Variants in ENO4 observed in about 807,000 individuals in gnomAD.
The protein encoded by ENO4 is enolase 4.
Under a neutral mutation model 63.2 loss-of-function variants are expected in ENO4, and 53 were observed. That is an observed-to-expected ratio of 0.84 (90% CI 0.67 to 1.05). ENO4 has a LOEUF of 1.05. Among genes scored for constraint, ENO4 ranks in the 50% least tolerant of loss-of-function variants. ENO4 has a pLI of 0.00. For missense variants in ENO4, 719 were observed against 772.0 expected, an observed-to-expected ratio of 0.93 and a Z score of 0.81; for synonymous variants, 266 against 283.8, an observed-to-expected ratio of 0.94 and a Z score of 0.63.
chr10:116,877,068 T>A (rs1210698549), intron 11 of ENO4, among the ~76,000 whole-genome samples: 2 of 152,132 alleles, frequency 1.3e-5, no homozygotes, highest in Non-Finnish European at 2.9e-5. Flanking sequence ...TGGGTACCCA[T>A]CTGCACTAGC....
chr10:116,878,665 G>C (rs2531688), intron 11 of ENO4, among the ~76,000 whole-genome samples: 93,159 of 151,148 alleles, frequency 0.62, 33,734 homozygotes, highest in Non-Finnish European at 0.8. Flanking sequence ...TCTTAGAAAT[G>C]TGTCAATCTA....
At chr10:116,858,007 C>T (rs1846314800) in intron 3 of ENO4, among the ~76,000 whole-genome samples, 1 of 150,626 alleles carries the variant, frequency 6.6e-6, no homozygotes, top group African/African-American at 2.4e-5. Flanking sequence ...CCTTTTTTTT[C>T]CCCCTTCATG....
At chr10:116,884,659 T>C, downstream of ENO4, 1 of 164,478 alleles carries the variant, frequency 6.1e-6, no homozygotes, top group Non-Finnish European at 1.3e-5. Context: ...CAAAGAAACA[T>C]GAAAGAAAAC....
At position 116,899,546 on chromosome 10, in the gene ENO4, T is replaced by TGTGA. The variant is rs1311755308; in HGVS notation, c.1195-11952_1195-11951insTGAG. Among the ~76,000 whole-genome samples the TGTGA allele has an allele frequency of 2.1e-3, 262 of 123,884 alleles. 1 individual carries two copies. The highest frequency in any genetic ancestry group is 7.0e-3 in the African/African-American group (240 of 34,438). The allele number at this position is 123,884 out of a possible 152,430, so 81.3% of individuals were successfully genotyped here. ...GTGTGTGTGTGTGTGTGTGTGTGTG[T>TGTGA]GAGAGAGTGCATGCATACATATGTT... On this transcript the variant is annotated intron_variant, in intron 10 of 10. Transcript: ENST00000369207.
chr10:116,905,857 C>A (rs1408430812), intron 10 of ENO4, among the ~76,000 whole-genome samples: 3 of 152,122 alleles, frequency 2.0e-5, no homozygotes, highest in African/African-American at 7.2e-5. Flanking sequence ...TTCCCATGAC[C>A]GAGCTGATGA....
intron 13 of ENO4, 102 bp downstream of exon 13, chr10:116,880,088 C>G: frequency 1.2e-6 from 1 of 847,312 alleles, no homozygotes; most frequent in Non-Finnish European, 1.8e-6. Context: ...GCAGGGGAAT[C>G]CAAAGACCAT....
intron 10 of ENO4, among the ~76,000 whole-genome samples, chr10:116,903,839 A>G (rs1301510610): frequency 6.6e-6 from 1 of 152,170 alleles, no homozygotes; most frequent in African/African-American, 2.4e-5. Context: ...TATTTTTCTT[A>G]TATACAAAAA....
At chr10:116,852,717 G>T (rs943807063) in intron 1 of ENO4, among the ~76,000 whole-genome samples, 1 of 152,128 alleles carries the variant, frequency 6.6e-6, no homozygotes, top group African/African-American at 2.4e-5. Context: ...AGGTTGTGTA[G>T]AGAAAGACCT....
intron 10 of ENO4, among the ~76,000 whole-genome samples, chr10:116,897,711 C>G (rs1847572367): frequency 6.6e-6 from 1 of 152,078 alleles, no homozygotes; most frequent in South Asian, 2.1e-4. Context: ...ATTTACACAC[C>G]AGGAAATTCA....
intron 10 of ENO4, among the ~76,000 whole-genome samples, chr10:116,890,572 CA>C (rs1385684470): frequency 6.6e-6 from 1 of 152,182 alleles, no homozygotes; most frequent in African/African-American, 2.4e-5. Context: ...ACTATGTGCT[CA>C]AAGGCTATTT....
intron 11 of ENO4, among the ~76,000 whole-genome samples, chr10:116,877,442 T>C (rs945440067): frequency 1.1e-4 from 17 of 152,154 alleles, no homozygotes; most frequent in Non-Finnish European, 5.9e-5. Context: ...GATCAGAATT[T>C]GGAACCAGAT....
chr10:116,886,520 T>C, downstream of ENO4: 1 of 1,614,148 alleles, frequency 6.2e-7, no homozygotes, highest in Non-Finnish European at 8.5e-7. Flanking sequence ...TCGGCTTGTT[T>C]TTCACCGTCA....
At chr10:116,849,778 C>G (rs540321086) in intron 1 of ENO4, 47 bp downstream of exon 1, 269 of 1,464,830 alleles carry the variant, frequency 1.8e-4, no homozygotes, top group Non-Finnish European at 2.2e-4. Context: ...CCCTCTCCCC[C>G]CGCCCCGCGC....
At chr10:116,891,978 T>C (rs185068646) in intron 10 of ENO4, among the ~76,000 whole-genome samples, 134 of 152,360 alleles carry the variant, frequency 8.8e-4, no homozygotes, top group African/African-American at 3.1e-3. Context: ...ATTATTTACA[T>C]TGTTAAACAA....
At chr10:116,886,313 T>TTCCAAACATG (rs754365470), downstream of ENO4, 33 of 1,551,716 alleles carry the variant, frequency 2.1e-5, no homozygotes, top group Middle Eastern at 5.0e-4. Flanking sequence ...TGAAAAGGAC[T>TTCCAAACATG]TCCAAACATG....
chr10:116,893,931 T>C (rs1267307137), intron 10 of ENO4, among the ~76,000 whole-genome samples: 2 of 152,192 alleles, frequency 1.3e-5, no homozygotes, highest in Non-Finnish European at 2.9e-5. Context: ...ATAGCTCAGA[T>C]TCTCCAGCTC....
chr10:116,864,902 C>G (rs1256385709), intron 7 of ENO4, among the ~76,000 whole-genome samples: 1 of 151,990 alleles, frequency 6.6e-6, no homozygotes, highest in Non-Finnish European at 1.5e-5. Context: ...CATTTGTAAT[C>G]CCAGCTACTC....
Position 116,859,124 on chromosome 10 carries a change from A to G in ENO4, c.620A>G (p.Lys207Arg). The change falls in exon 4 of 14, where the codon AAG becomes AGG. Residue 207 changes from lysine (K) to arginine (R), a missense_variant. Around this residue, in one of 3 missense-constraint regions of ENO4, gnomAD observed 544 missense variants for 583.6 expected, o/e 0.93. Transcript: ENST00000341276. ...CCCCCTCCACCTCCTACCAAAAAAA[A>G]GGGGCAAAAGCCAGGTTGGTTGGTG... is the stretch of plus-strand genomic sequence containing the variant. ...PPPPPPPTKK[K>R]GQKPGRKDTI... is the part of the protein sequence containing the mutation. 5 of 1,528,614 alleles carry G rather than the reference A, an allele frequency of 3.3e-6. No homozygotes were observed. In the South Asian group the frequency reaches 3.6e-5, roughly 11 times the overall value. The allele number at this position is 1,528,614 out of a possible 1,614,324, so 94.7% of individuals were successfully genotyped here. A position where few individuals can be genotyped will look rare whatever the true frequency, so the allele number is the denominator to read the frequency against.
chr10:116,876,142 C>T lies in ENO4; in HGVS notation c.1419C>T (p.Ser473=), dbSNP rs985156716. ...TAATTGCAGGAACTGCTTCCAAAAG[C>T]ATTTCTAAACTTCTAGAGCAAGGAA... is the stretch of plus-strand genomic sequence containing the variant. ...CYIIAGTASK[S]ISKLLEQGNI... The change falls in exon 11 of 14, where the codon AGC becomes AGT. Residue 473 remains serine, a synonymous_variant. Transcript: ENST00000341276. 6.4e-7 allele frequency: 1 copy of T among 1,550,792 alleles called. No homozygotes were observed. Among genetic ancestry groups the T allele is most frequent in the Non-Finnish European group, 8.7e-7 (1 of 1,147,022 alleles).
Sources: gnomAD v4.1 joint callset for allele counts (sites outside exome capture counted in the v4.1 genomes callset) on GRCh38, gnomAD v4.1.1 for gene constraint, gnomAD v4.1.1 regional missense constraint, MANE v1.5 for transcripts, NCBI Gene and HGNC (gene_info 2026-07-23, HGNC 2026-07-21) for gene names.